The following L3MBTL1 variants were observed in gnomAD, a reference collection of about 807,000 sequenced individuals.
L3MBTL1 encodes the protein L3MBTL histone methyl-lysine binding protein 1, also known as lethal(3)malignant brain tumor-like protein 1.
Under a neutral mutation model 105.3 loss-of-function variants are expected in L3MBTL1, and 75 were observed. That is an observed-to-expected ratio of 0.71 (90% CI 0.59 to 0.86). The LOEUF (loss-of-function observed/expected upper bound fraction) is 0.86, where lower values mean the gene tolerates loss of function less well. L3MBTL1 is among the 40% of genes least tolerant of loss of function. L3MBTL1 has a pLI of 0.00. For synonymous variants in L3MBTL1, 452 were observed against 436.2 expected, an observed-to-expected ratio of 1.04 and a Z score of -0.45; for missense variants, 1,069 against 1,126.4, an observed-to-expected ratio of 0.95 and a Z score of 0.73.
At chr20:43,524,015 C>G (rs946103728) in intron 7 of L3MBTL1, among the ~76,000 whole-genome samples, 1 of 145,428 alleles carries the variant, frequency 6.9e-6, no homozygotes, top group Non-Finnish European at 1.5e-5. Flanking sequence ...AAAAAAGAAA[C>G]AGGATGTCAC....
At chr20:43,518,989 G>A (rs2018560610) in intron 7 of L3MBTL1, among the ~76,000 whole-genome samples, 1 of 150,018 alleles carries the variant, frequency 6.7e-6, no homozygotes, top group Non-Finnish European at 1.5e-5. Context: ...TTGCGCCACT[G>A]CACTCCAACC....
chr20:43,530,359 C>T lies in L3MBTL1; in HGVS notation c.1132C>T (p.Pro378Ser), dbSNP rs757920403. 6.2e-7 allele frequency: 1 copy of T among 1,614,140 alleles called. No homozygotes were observed. Among genetic ancestry groups the T allele is most frequent in the Admixed American group, 1.7e-5 (1 of 60,016 alleles). The stretch of plus-strand genomic sequence containing the variant: ...TGACTTCTGGGTCAATGCCAACTCC[C>T]CTGACATTCACCCTGCTGGCTGGTT... Reference protein sequence around the residue: ...CHDFWVNANSPDIHPAGWFEK... With the variant: ...CHDFWVNANSSDIHPAGWFEK... Residue 378 changes from proline to serine, a missense_variant, in exon 10 of 22, where the codon CCT becomes TCT. Pro to Ser is a moderately conservative substitution (Grantham distance 74). Transcript: ENST00000418998.
At chr20:43,517,680 T>G (rs6030932) in intron 7 of L3MBTL1, among the ~76,000 whole-genome samples, 16,229 of 152,272 alleles carry the variant, frequency 0.11, 1,681 homozygotes, top group African/African-American at 0.26. Flanking sequence ...TGGATGATTT[T>G]TATGTTGATG....
intron 9 of L3MBTL1, 47 bp downstream of exon 9, chr20:43,529,415 A>G: frequency 7.7e-7 from 1 of 1,302,296 alleles, no homozygotes; most frequent in Non-Finnish European, 1.1e-6. Flanking sequence ...CTCTCAGTGC[A>G]GATTGATGGA....
At chr20:43,514,099 G>C (rs559668018) in intron 3 of L3MBTL1, 38 bp downstream of exon 3, 9 of 1,492,612 alleles carry the variant, frequency 6.0e-6, no homozygotes, top group Non-Finnish European at 8.1e-6. Context: ...CTCGTAAACC[G>C]CAGCCATGGG....
At chr20:43,529,227 ATGGAAGC>A in intron 8 of L3MBTL1, 30 bp from the exon 9 acceptor site, 1 of 1,517,164 alleles carries the variant, frequency 6.6e-7, no homozygotes, top group South Asian at 1.2e-5. Flanking sequence ...ATAAGGCTGG[ATGGAAGC>A]TGGGTCCTCT....
chr20:43,542,423 A>G (rs954731188), downstream of L3MBTL1, among the ~76,000 whole-genome samples: 1 of 152,140 alleles, frequency 6.6e-6, no homozygotes, highest in African/African-American at 2.4e-5. Flanking sequence ...CCTCTGGCCA[A>G]CATAGAACAC....
At chr20:43,519,551 G>T (rs570036646) in intron 7 of L3MBTL1, among the ~76,000 whole-genome samples, 1 of 152,186 alleles carries the variant, frequency 6.6e-6, no homozygotes, top group Admixed American at 6.5e-5. Flanking sequence ...CAGGAGAATC[G>T]CTTGAACCTG....
chr20:43,528,626 A>G (rs529970750), intron 7 of L3MBTL1, 31 bp from the exon 8 acceptor site: 2 of 1,547,620 alleles, frequency 1.3e-6, no homozygotes, highest in Non-Finnish European at 1.8e-6. Context: ...GGAACAGCCC[A>G]GGAGTTAGCC....
chr20:43,515,313 C>A lies in L3MBTL1; in HGVS notation c.675C>A (p.Ser225=). 1 of 1,599,866 alleles carries A rather than the reference C, an allele frequency of 6.3e-7. No individual in the cohort carries two copies. Among genetic ancestry groups the A allele is most frequent in the Non-Finnish European group, 8.5e-7 (1 of 1,172,512 alleles). ...FQERSVIVEN[S]SGSTSASELL... ...TCAGGTCAGTCATAGTGGAGAACTC[C>A]TCAGGCTCTACCAGCGCTTCTGAGC... The change falls in exon 6 of 22, where the codon TCC becomes TCA. Residue 225 remains serine, a synonymous_variant. Coordinates refer to ENST00000418998, the MANE Select transcript of L3MBTL1 (RefSeq NM_001377303.1).
chr20:43,535,785 C>A, intron 16 of L3MBTL1, 52 bp from the exon 17 acceptor site: 1 of 1,238,096 alleles, frequency 8.1e-7, no homozygotes, highest in Non-Finnish European at 1.1e-6. Context: ...CCGTGCCCCA[C>A]ACTCCCCACC....
At chr20:43,520,967 T>A (rs548688824) in intron 7 of L3MBTL1, among the ~76,000 whole-genome samples, 50 of 152,342 alleles carry the variant, frequency 3.3e-4, no homozygotes, top group Middle Eastern at 6.8e-3. Context: ...CCATTTATAC[T>A]TCCTAGAAAC....
chr20:43,513,815 T>C, intron 2 of L3MBTL1, 23 bp from the exon 3 acceptor site: 1 of 1,549,484 alleles, frequency 6.5e-7, no homozygotes, highest in Non-Finnish European at 8.7e-7. Flanking sequence ...CTGTGTCGTG[T>C]CTATTTGTAT....
At chr20:43,536,377 C>A (rs760155778) in intron 18 of L3MBTL1, 32 bp from the exon 19 acceptor site, 3 of 1,613,808 alleles carry the variant, frequency 1.9e-6, no homozygotes, top group Non-Finnish European at 2.5e-6. Flanking sequence ...GACACTGATT[C>A]CCTGCCATGG....
chr20:43,513,057 AGAGGGAGGAGGG>A (rs1270323545), intron 1 of L3MBTL1, among the ~76,000 whole-genome samples: 2 of 152,216 alleles, frequency 1.3e-5, no homozygotes, highest in East Asian at 3.8e-4. Flanking sequence ...CTGAATCCCC[AGAGGGAGGAGGG>A]AGTGATTCCA....
chr20:43,515,404 C>T lies in L3MBTL1; in HGVS notation c.766C>T (p.Pro256Ser), dbSNP rs1440022563. 6.4e-7 allele frequency: 1 copy of T among 1,556,998 alleles called. No homozygotes were observed. The highest frequency in any genetic ancestry group is 2.4e-5 in the East Asian group (1 of 41,898). The change falls in exon 6 of 22, where the codon CCA becomes TCA. Residue 256 changes from proline (P) to serine (S), a missense_variant. By Grantham distance (74) the Pro-to-Ser change is moderately conservative. Transcript: ENST00000418998. ...YQSPSEEESEPEAMEKQEEGK... is the reference protein window; with the variant it reads ...YQSPSEEESESEAMEKQEEGK... Reference sequence around the variant, plus strand: ...GAGCCCATCAGAGGAGGAGTCGGAGCCAGAGGCCATGGTAGGAAGAGGGCA... The same window carrying T: ...GAGCCCATCAGAGGAGGAGTCGGAGTCAGAGGCCATGGTAGGAAGAGGGCA...
chr20:43,513,966 C>CAGCTT lies in L3MBTL1; in HGVS notation c.269_273dup (p.Ala92LeufsTer34), dbSNP rs1391241692. 2 of 1,548,360 alleles carry CAGCTT rather than the reference C, an allele frequency of 1.3e-6. No individual in the cohort carries two copies. The highest frequency in any genetic ancestry group is 1.4e-5 in the African/African-American group (1 of 73,062). Reference sequence around the variant, plus strand: ...ACCAGTTTCTGCCACCGTCCTGCCGCAGCTTAGCGCCGGGCCGGCCAGCTC... The same window carrying CAGCTT: ...ACCAGTTTCTGCCACCGTCCTGCCGCAGCTTAGCTTAGCGCCGGGCCGGCCAGCTC... On this transcript the variant is annotated frameshift_variant, in exon 3 of 22. Transcript: ENST00000418998. LOFTEE classifies it high-confidence loss of function.
Position 43,515,140 on chromosome 20 carries a change from C to A in L3MBTL1, c.634C>A (p.Pro212Thr). 6.2e-7 allele frequency: 1 copy of A among 1,614,154 alleles called. No individual in the cohort carries two copies. Among genetic ancestry groups the A allele is most frequent in the South Asian group, 1.1e-5 (1 of 91,088 alleles). The change falls in exon 5 of 22, where the codon CCT becomes ACT. Residue 212 changes from proline (P) to threonine (T), a missense_variant. Coordinates refer to ENST00000418998, the MANE Select transcript of L3MBTL1 (RefSeq NM_001377303.1). ...PDLGSSNDGCPQLFQERSVIV... is the reference protein window; with the variant it reads ...PDLGSSNDGCTQLFQERSVIV... Reference sequence around the variant, plus strand: ...TCTTGGTTCCTCTAATGATGGCTGCCCTCAGCTGTTCCAGGAGCGGTAAGG... The same window carrying A: ...TCTTGGTTCCTCTAATGATGGCTGCACTCAGCTGTTCCAGGAGCGGTAAGG...
chr20:43,514,306 G>T, intron 3 of L3MBTL1: 4 of 889,770 alleles, frequency 4.5e-6, no homozygotes, highest in Non-Finnish European at 6.6e-6. Context: ...GTGTCTGGGG[G>T]CGTGGCTTAG....
Sources: allele counts gnomAD v4.1 joint callset (sites outside exome capture counted in the v4.1 genomes callset), GRCh38; gene constraint gnomAD v4.1.1; transcripts MANE v1.5; gene names NCBI Gene and HGNC (gene_info 2026-07-23, HGNC 2026-07-21).